Variants in ANO3 observed in about 807,000 individuals in gnomAD.
The protein encoded by ANO3 is anoctamin-3.
ANO3 carries 99 observed loss-of-function variants against 144.8 expected under a neutral mutation model. The ratio of observed to expected loss-of-function variants is 0.68; its 90% confidence interval spans 0.58 to 0.81. The LOEUF (loss-of-function observed/expected upper bound fraction) is 0.81. ANO3 is among the 30% of genes least tolerant of loss of function. The probability of loss-of-function intolerance (pLI) is 0.00; values close to 1 mark genes in which losing one functional copy is unlikely to be tolerated. For synonymous variants in ANO3, 414 were observed against 392.6 expected, an observed-to-expected ratio of 1.05 and a Z score of -0.64; for missense variants, 905 against 1,202.2, an observed-to-expected ratio of 0.75 and a Z score of 3.66.
intron 1 of ANO3, among the ~76,000 whole-genome samples, chr11:26,439,648 C>G (rs1858440803): frequency 6.6e-6 from 1 of 152,144 alleles, no homozygotes; most frequent in African/African-American, 2.4e-5. Context: ...CCTTTAAAAA[C>G]TTTTAACTCC....
At chr11:26,590,515 G>C (rs776836607) in intron 14 of ANO3, among the ~76,000 whole-genome samples, 4 of 152,160 alleles carry the variant, frequency 2.6e-5, no homozygotes, top group Non-Finnish European at 4.4e-5. Context: ...CCAAGATGGC[G>C]GCAAGACTTT....
chr11:26,342,417 A>G (rs7933298), intron 1 of ANO3, among the ~76,000 whole-genome samples: 12,077 of 152,200 alleles, frequency 0.079, 569 homozygotes, highest in Non-Finnish European at 0.11. Flanking sequence ...AAAGAGAACT[A>G]GTTTGACCGC....
chr11:26,228,695 C>A (rs1483326331), intron 1 of ANO3, among the ~76,000 whole-genome samples: 1 of 152,100 alleles, frequency 6.6e-6, no homozygotes, highest in Non-Finnish European at 1.5e-5. Context: ...TATCACAGGG[C>A]AAAATTAGGC....
intron 1 of ANO3, among the ~76,000 whole-genome samples, chr11:26,210,422 T>C (rs10834926): frequency 0.35 from 53,458 of 151,982 alleles, 9,693 homozygotes; most frequent in Non-Finnish European, 0.38. Context: ...TAGCATGATG[T>C]CTCCAGCTTT....
chr11:26,329,648 G>A (rs1854985514), upstream of ANO3, among the ~76,000 whole-genome samples: 1 of 152,072 alleles, frequency 6.6e-6, no homozygotes, highest in Non-Finnish European at 1.5e-5. Context: ...AATCCAATGA[G>A]GTTCAAAATC....
chr11:26,232,456 G>C (rs17308922), intron 1 of ANO3, among the ~76,000 whole-genome samples: 52,751 of 151,904 alleles, frequency 0.35, 10,266 homozygotes, highest in Non-Finnish European at 0.43. Context: ...GCATAGCCCT[G>C]AACTTCCTTA....
At chr11:26,315,934 G>A (rs927208043) in intron 1 of ANO3, among the ~76,000 whole-genome samples, 3 of 152,070 alleles carry the variant, frequency 2.0e-5, no homozygotes, top group African/African-American at 7.2e-5. Context: ...CTACCTCATA[G>A]AGTAATTAAT....
chr11:26,454,923 G>A (rs1235834152), intron 3 of ANO3, among the ~76,000 whole-genome samples: 70 of 143,212 alleles, frequency 4.9e-4, no homozygotes, highest in East Asian at 3.3e-3. Context: ...TTCAATATAC[G>A]TAAATCAATA....
At chr11:26,462,036 A>T (rs890149214) in intron 3 of ANO3, among the ~76,000 whole-genome samples, 15 of 151,962 alleles carry the variant, frequency 9.9e-5, no homozygotes, top group African/African-American at 3.6e-4. Flanking sequence ...ACCACTAAAA[A>T]CCTGATACTA....
chr11:26,467,149 A>T (rs1252262527), intron 4 of ANO3, among the ~76,000 whole-genome samples: 1 of 151,968 alleles, frequency 6.6e-6, no homozygotes, highest in Non-Finnish European at 1.5e-5. Context: ...GCAATGTTTT[A>T]AACAGTTTAA....
intron 1 of ANO3, among the ~76,000 whole-genome samples, chr11:26,392,176 T>C (rs763648607): frequency 6.6e-5 from 10 of 151,922 alleles, no homozygotes; most frequent in Non-Finnish European, 1.0e-4. Flanking sequence ...ATTGTGGAGA[T>C]TGAGTCACAA....
chr11:26,411,681 G>A (rs577193644), intron 1 of ANO3, among the ~76,000 whole-genome samples: 30 of 151,758 alleles, frequency 2.0e-4, no homozygotes, highest in African/African-American at 7.2e-4. Context: ...CACACTTTCC[G>A]TGAGATAAGT....
chr11:26,563,058 G>T, intron 14 of ANO3: 4 of 1,580,822 alleles, frequency 2.5e-6, no homozygotes, highest in South Asian at 1.2e-5. Context: ...GTGAACATTG[G>T]CATCCTCATT....
At chr11:26,424,774 G>A (rs1381560579) in intron 1 of ANO3, among the ~76,000 whole-genome samples, 1 of 151,960 alleles carries the variant, frequency 6.6e-6, no homozygotes, top group African/African-American at 2.4e-5. Flanking sequence ...GCTATTTCTT[G>A]GACCTACTAT....
At chr11:26,324,817 G>T (rs113708238) in intron 1 of ANO3, among the ~76,000 whole-genome samples, 4 of 152,134 alleles carry the variant, frequency 2.6e-5, no homozygotes, top group Non-Finnish European at 5.9e-5. Context: ...TAATATTACC[G>T]TTAGGTACTC....
At chr11:26,205,231 G>A (rs1248229677) in intron 1 of ANO3, among the ~76,000 whole-genome samples, 3 of 152,112 alleles carry the variant, frequency 2.0e-5, no homozygotes, top group Non-Finnish European at 4.4e-5. Flanking sequence ...ACACAGAGCC[G>A]AACCATACTG....
rs1252613173 is a variant in ANO3 at position 26,346,440 on chromosome 11, CT to C, written c.46+14121del. Among the ~76,000 whole-genome samples, 4 of 152,282 alleles carry C rather than the reference CT, an allele frequency of 2.6e-5. No individual in the cohort carries two copies. The East Asian group carries it at 7.7e-4, about 29-fold the overall frequency. On this transcript the variant is annotated intron_variant, in intron 1 of 26. Transcript: ENST00000256737. ...TTTTATAGGATGTTCACAATCTCTA[CT>C]TGTTTTACCATCTCAAAAAGACTCT... is the stretch of plus-strand genomic sequence containing the variant.
intron 1 of ANO3, among the ~76,000 whole-genome samples, chr11:26,346,159 C>G (rs1855491261): frequency 6.6e-6 from 1 of 152,106 alleles, no homozygotes; most frequent in Admixed American, 6.5e-5. Flanking sequence ...TTGCACATGG[C>G]CACATAGCTA....
At chr11:26,229,777 T>C (rs1311133727) in intron 1 of ANO3, among the ~76,000 whole-genome samples, 2 of 151,842 alleles carry the variant, frequency 1.3e-5, no homozygotes, top group Non-Finnish European at 2.9e-5. Flanking sequence ...ACTTTAAAAT[T>C]GTGCATACAT....
Sources: gnomAD v4.1 joint callset for allele counts (sites outside exome capture counted in the v4.1 genomes callset) on GRCh38, gnomAD v4.1.1 for gene constraint, MANE v1.5 for transcripts, NCBI Gene and HGNC (gene_info 2026-07-23, HGNC 2026-07-21) for gene names.